Variants in THADA observed in about 807,000 individuals in gnomAD.
The protein encoded by THADA is THADA armadillo repeat containing.
In THADA, 213 loss-of-function variants were observed where a neutral mutation model predicts 219.8. The ratio of observed to expected loss-of-function variants is 0.97; its 90% CI spans 0.87 to 1.09. The LOEUF is 1.09. THADA is among the 50% of genes least tolerant of loss of function. THADA has a pLI of 0.00. For synonymous variants in THADA, 1,018 were observed against 828.9 expected, an observed-to-expected ratio of 1.23 and a Z score of -3.92; for missense variants, 2,956 against 2,311.3, an observed-to-expected ratio of 1.28 and a Z score of -5.72.
intron 31 of THADA, among the ~76,000 whole-genome samples, chr2:43,310,238 A>C (rs1677358155): frequency 1.9e-5 from 1 of 51,774 alleles, no homozygotes; most frequent in Non-Finnish European, 3.9e-5. Flanking sequence ...CCCCCCCCCA[A>C]ACAAGCTGAT....
chr2:43,509,312 T>C (rs1441113769), intron 22 of THADA, among the ~76,000 whole-genome samples: 2 of 152,220 alleles, frequency 1.3e-5, no homozygotes, highest in Non-Finnish European at 1.5e-5. Context: ...CATAAACATT[T>C]TGAGGCGATT....
intron 25 of THADA, among the ~76,000 whole-genome samples, chr2:43,498,393 T>G (rs1688535724): frequency 6.6e-6 from 1 of 152,016 alleles, no homozygotes; most frequent in African/African-American, 2.4e-5. Flanking sequence ...TGAAAAGAAA[T>G]ATAACTGGCT....
At chr2:43,429,548 C>T (rs1316519269) in intron 27 of THADA, among the ~76,000 whole-genome samples, 1 of 151,992 alleles carries the variant, frequency 6.6e-6, no homozygotes, top group Non-Finnish European at 1.5e-5. Flanking sequence ...TATTAGTCAG[C>T]TAATCGCTAT....
intron 26 of THADA, among the ~76,000 whole-genome samples, chr2:43,478,975 C>T (rs1685860828): frequency 6.6e-6 from 1 of 152,128 alleles, no homozygotes. Context: ...TACTTTACCT[C>T]TCAGTCTCCA....
At chr2:43,394,260 T>C (rs1452997885) in intron 29 of THADA, among the ~76,000 whole-genome samples, 1 of 152,222 alleles carries the variant, frequency 6.6e-6, no homozygotes, top group Non-Finnish European at 1.5e-5. Flanking sequence ...AAGAAATGAA[T>C]CCCACATGTT....
At chr2:43,529,475 T>C (rs1558917864) in intron 21 of THADA, among the ~76,000 whole-genome samples, 4 of 152,116 alleles carry the variant, frequency 2.6e-5, no homozygotes, top group Admixed American at 2.0e-4. Context: ...GCCTCCCGAG[T>C]AGCTGTTAAC....
At chr2:43,451,870 GCT>G (rs1478402855) in intron 26 of THADA, among the ~76,000 whole-genome samples, 1 of 152,210 alleles carries the variant, frequency 6.6e-6, no homozygotes, top group Non-Finnish European at 1.5e-5. Context: ...ACTTCGGGAG[GCT>G]GAGGCAGGTC....
At chr2:43,495,789 T>A (rs1406527860) in intron 25 of THADA, among the ~76,000 whole-genome samples, 1 of 152,206 alleles carries the variant, frequency 6.6e-6, no homozygotes, top group Non-Finnish European at 1.5e-5. Flanking sequence ...CAATCACTTT[T>A]ATGATCTCCA....
At chr2:43,322,111 C>G (rs1678783862) in intron 30 of THADA, among the ~76,000 whole-genome samples, 1 of 151,902 alleles carries the variant, frequency 6.6e-6, no homozygotes, top group African/African-American at 2.4e-5. Context: ...TCTCGGCTTA[C>G]TGCAACCTCC....
intron 28 of THADA, among the ~76,000 whole-genome samples, chr2:43,402,726 G>A (rs567499003): frequency 3.3e-5 from 5 of 152,294 alleles, no homozygotes; most frequent in Admixed American, 1.3e-4. Context: ...AGTCTAGTGT[G>A]GAAGACAGAA....
rs1399288216 is a variant in THADA, at chr2:43,398,065, T to C, written c.4133A>G (p.His1378Arg). The change falls in exon 29 of 38, where the codon CAC becomes CGC. Residue 1378 changes from histidine to arginine, a missense_variant. Physicochemically the swap from His to Arg is conservative, Grantham distance 29. Transcript: ENST00000405975. ...CAGAGTTCGAATGGTATTAGGAATG[T>C]GATCTATCATAACAAATGGGACCAA... The part of the protein sequence containing the change: ...RALVPFVMID[H>R]IPNTIRTLLS... The C allele has an allele frequency of 3.7e-6, 6 of 1,614,020 alleles. No homozygotes were observed. The highest frequency in any genetic ancestry group is 1.6e-4 in the Middle Eastern group (1 of 6,062).
At chr2:43,360,471 TG>T (rs1346550936) in intron 29 of THADA, among the ~76,000 whole-genome samples, 1 of 152,220 alleles carries the variant, frequency 6.6e-6, no homozygotes, top group Non-Finnish European at 1.5e-5. Context: ...AATATGTTTG[TG>T]TCGTGGGCCA....
intron 15 of THADA, among the ~76,000 whole-genome samples, chr2:43,561,696 C>A (rs1488924814): frequency 6.6e-6 from 1 of 152,286 alleles, no homozygotes; most frequent in East Asian, 1.9e-4. Flanking sequence ...CTTAACAACT[C>A]TGCTCAGATT....
chr2:43,261,739 C>T (rs1485136567), intron 36 of THADA, among the ~76,000 whole-genome samples: 4 of 151,340 alleles, frequency 2.6e-5, no homozygotes, highest in African/African-American at 2.4e-5. Context: ...CAGGTTCAAG[C>T]GATTCTCTTG....
At chr2:43,514,662 TA>T (rs1361726657) in intron 22 of THADA, among the ~76,000 whole-genome samples, 1 of 83,916 alleles carries the variant, frequency 1.2e-5, no homozygotes, top group Admixed American at 1.9e-4. Flanking sequence ...ATATTGTATA[TA>T]ATAATATATA....
At chr2:43,585,532 GTAGATAGATAGATAGATAGA>G (rs57755595) in intron 7 of THADA, among the ~76,000 whole-genome samples, 8 of 139,428 alleles carry the variant, frequency 5.7e-5, no homozygotes, top group Admixed American at 2.1e-4. Flanking sequence ...AAAAAAAAAT[GTAGATAGATAGATAGATAGA>G]TAGATAGATA....
At chr2:43,317,511 A>C (rs1447590233) in intron 31 of THADA, among the ~76,000 whole-genome samples, 12 of 152,240 alleles carry the variant, frequency 7.9e-5, no homozygotes, top group Admixed American at 7.8e-4. Flanking sequence ...CATCCAAGTA[A>C]GTGATCACCT....
intron 28 of THADA, among the ~76,000 whole-genome samples, chr2:43,406,736 A>G (rs148993673): frequency 1.7e-3 from 262 of 152,284 alleles, no homozygotes; most frequent in African/African-American, 6.1e-3. Flanking sequence ...CTTCCCTCCC[A>G]GCCTATCTGA....
At chr2:43,242,390 A>C (rs1401307335) in intron 36 of THADA, among the ~76,000 whole-genome samples, 1 of 152,220 alleles carries the variant, frequency 6.6e-6, no homozygotes, top group Non-Finnish European at 1.5e-5. Flanking sequence ...CATTTAGATA[A>C]ACAACTTGTT....
Sources: gnomAD v4.1 joint callset for allele counts (sites outside exome capture counted in the v4.1 genomes callset) on GRCh38, gnomAD v4.1.1 for gene constraint, MANE v1.5 for transcripts, NCBI Gene and HGNC (gene_info 2026-07-23, HGNC 2026-07-21) for gene names.